PRDM5: variants seen among roughly 807,000 people sequenced by gnomAD.
PRDM5 encodes the protein PR domain zinc finger protein 5.
In PRDM5, 56 loss-of-function variants were observed where a neutral mutation model predicts 81.2. The ratio of observed to expected loss-of-function variants is 0.69; its 90% CI spans 0.56 to 0.86. The LOEUF (loss-of-function observed/expected upper bound fraction) is 0.86, where lower values mean the gene tolerates loss of function less well. Ranked by LOEUF, PRDM5 falls within the 40% of genes least tolerant of loss-of-function variation. The pLI, the probability that PRDM5 is intolerant of heterozygous loss-of-function variation, is 0.00. For missense variants in PRDM5, 697 were observed against 770.1 expected, an observed-to-expected ratio of 0.91 and a Z score of 1.12; for synonymous variants, 267 against 256.4, an observed-to-expected ratio of 1.04 and a Z score of -0.39.
At chr4:120,826,310 C>T (rs1222227958) in intron 3 of PRDM5, among the ~76,000 whole-genome samples, 1 of 152,128 alleles carries the variant, frequency 6.6e-6, no homozygotes, top group Non-Finnish European at 1.5e-5. Flanking sequence ...GCTATAACTC[C>T]TCCATGTGCT....
intron 10 of PRDM5, among the ~76,000 whole-genome samples, chr4:120,797,697 C>T (rs1751527298): frequency 6.6e-6 from 1 of 152,074 alleles, no homozygotes; most frequent in Non-Finnish European, 1.5e-5. Context: ...CGAAAAGATG[C>T]CCAGTTATAA....
At chr4:120,740,634 C>T (rs976431860) in intron 14 of PRDM5, among the ~76,000 whole-genome samples, 1 of 152,168 alleles carries the variant, frequency 6.6e-6, no homozygotes, top group South Asian at 2.1e-4. Context: ...AGGTGTCCCT[C>T]ATATATGTGC....
At chr4:120,891,882 G>C (rs190547995) in intron 2 of PRDM5, among the ~76,000 whole-genome samples, 21 of 152,064 alleles carry the variant, frequency 1.4e-4, no homozygotes, top group African/African-American at 4.8e-4. Flanking sequence ...CACCTGCCTC[G>C]GTCTCCCAAA....
chr4:120,741,225 G>A (rs991856262), intron 14 of PRDM5, among the ~76,000 whole-genome samples: 2 of 152,126 alleles, frequency 1.3e-5, no homozygotes, highest in South Asian at 2.1e-4. Flanking sequence ...TCCTCTATAC[G>A]ATGCTTCTGG....
chr4:120,763,670 T>G (rs1300356039), intron 13 of PRDM5, among the ~76,000 whole-genome samples: 1 of 152,208 alleles, frequency 6.6e-6, no homozygotes, highest in South Asian at 2.1e-4. Flanking sequence ...AGTCAGAATT[T>G]GGTGAGAAAA....
intron 2 of PRDM5, among the ~76,000 whole-genome samples, chr4:120,861,671 GC>G: frequency 6.6e-6 from 1 of 151,994 alleles, no homozygotes; most frequent in South Asian, 2.1e-4. Flanking sequence ...GGTGGAGCAC[GC>G]CTGTAGTCCC....
chr4:120,695,096 C>T lies in PRDM5; in HGVS notation c.*15G>A, dbSNP rs749683464. 1.9e-6 allele frequency: 3 copies of T among 1,609,092 alleles called. No individual in the cohort carries two copies. The highest frequency in any genetic ancestry group is 3.3e-5 in the Admixed American group (2 of 59,940). On this transcript the variant is annotated 3_prime_UTR_variant, in exon 16 of 16. Coordinates refer to ENST00000264808, the MANE Select transcript of PRDM5 (RefSeq NM_018699.4). ...AGGAGCCCTTCTGAATAGTTTAATT[C>T]CTTTACAGCCCCTATTAGCTGTCAG... is the stretch of plus-strand genomic sequence containing the variant.
At chr4:120,821,125 T>C in intron 4 of PRDM5, 46 bp downstream of exon 4, 12 of 1,590,630 alleles carry the variant, frequency 7.5e-6, no homozygotes, top group Non-Finnish European at 1.0e-5. Flanking sequence ...CTACACTTTT[T>C]TCTACAACTT....
chr4:120,789,575 T>G (rs1405936520), intron 10 of PRDM5, among the ~76,000 whole-genome samples: 1 of 152,112 alleles, frequency 6.6e-6, no homozygotes, highest in Non-Finnish European at 1.5e-5. Context: ...AACGATTATT[T>G]TTATAGAGTT....
At chr4:120,827,166 G>C (rs917318741) in intron 3 of PRDM5, among the ~76,000 whole-genome samples, 2 of 152,156 alleles carry the variant, frequency 1.3e-5, no homozygotes, top group African/African-American at 4.8e-5. Flanking sequence ...GAAGAGAGTA[G>C]AATTTTGCTT....
At chr4:120,777,920 G>A (rs1748424387) in intron 12 of PRDM5, among the ~76,000 whole-genome samples, 1 of 152,090 alleles carries the variant, frequency 6.6e-6, no homozygotes, top group African/African-American at 2.4e-5. Context: ...ATAAATGCTG[G>A]AGAGTTCAAA....
At chr4:120,759,324 G>A (rs181937905) in intron 13 of PRDM5, among the ~76,000 whole-genome samples, 175 of 152,276 alleles carry the variant, frequency 1.1e-3, no homozygotes, top group Non-Finnish European at 2.1e-3. Flanking sequence ...AAACTATAAT[G>A]TGTAGTTTGC....
intron 14 of PRDM5, among the ~76,000 whole-genome samples, chr4:120,754,106 C>T (rs1019988432): frequency 2.0e-5 from 3 of 152,180 alleles, no homozygotes; most frequent in Admixed American, 6.5e-5. Flanking sequence ...CCTTATTTTC[C>T]ACCTGTCCTG....
intron 10 of PRDM5, among the ~76,000 whole-genome samples, chr4:120,788,070 A>G (rs188543457): frequency 6.5e-4 from 99 of 152,324 alleles, no homozygotes; most frequent in Middle Eastern, 3.4e-3. Flanking sequence ...CTGCATAACA[A>G]TGTGGTTCTA....
At chr4:120,811,491 A>G (rs1753829328) in intron 7 of PRDM5, 42 bp from the exon 8 acceptor site, 3 of 1,281,786 alleles carry the variant, frequency 2.3e-6, no homozygotes, top group South Asian at 1.3e-5. Flanking sequence ...AAATGAGACT[A>G]TTAAGAGGAA....
chr4:120,775,209 A>T (rs1332442936), intron 13 of PRDM5, among the ~76,000 whole-genome samples: 1 of 151,722 alleles, frequency 6.6e-6, no homozygotes, highest in Non-Finnish European at 1.5e-5. Context: ...TTTGGAGTGT[A>T]GAATACACTT....
intron 13 of PRDM5, among the ~76,000 whole-genome samples, chr4:120,772,914 C>T (rs1747509641): frequency 6.6e-6 from 1 of 152,160 alleles, no homozygotes; most frequent in Non-Finnish European, 1.5e-5. Flanking sequence ...CTGCTAGTGA[C>T]TTCAATTTGT....
rs1446751555 is a variant in PRDM5 at position 120,694,149 on chromosome 4, G to T, written c.*962C>A. The T allele has an allele frequency of 6.6e-6, 1 of 152,058 alleles. No individual in the cohort carries two copies. Among genetic ancestry groups the T allele is most frequent in the Admixed American group, 6.6e-5 (1 of 15,236 alleles). The allele number at this position is 152,058 out of a possible 1,614,324, so 9.4% of individuals were successfully genotyped here. A position where few individuals can be genotyped will look rare whatever the true frequency, so the allele number is the denominator to read the frequency against. Reference sequence around the variant, plus strand: ...TGTTAATGTTCTGAGGACTGTATCTGCACTAACATGTTCTGTGCACTTTTA... The same window carrying T: ...TGTTAATGTTCTGAGGACTGTATCTTCACTAACATGTTCTGTGCACTTTTA... On this transcript the variant is annotated 3_prime_UTR_variant, in exon 16 of 16. Coordinates refer to ENST00000264808, the MANE Select transcript of PRDM5 (RefSeq NM_018699.4).
chr4:120,812,121 T>C lies in PRDM5; in HGVS notation c.866-672A>G, dbSNP rs1019341431. Among the ~76,000 whole-genome samples the C allele has an allele frequency of 1.6e-4, 24 of 152,164 alleles. 1 individual carries two copies. The highest frequency in any genetic ancestry group is 1.9e-4 in the Non-Finnish European group (13 of 68,004). ...TAGCTTCCATATATAAGTGAGCACA[T>C]GTGAAATTTGTGCAGCTGTGCCTGG... is the stretch of plus-strand genomic sequence containing the variant. On this transcript the variant is annotated intron_variant, in intron 7 of 15. Transcript: ENST00000264808.
Sources: gnomAD v4.1 joint callset for allele counts (sites outside exome capture counted in the v4.1 genomes callset) on GRCh38, gnomAD v4.1.1 for gene constraint, MANE v1.5 for transcripts, NCBI Gene and HGNC (gene_info 2026-07-23, HGNC 2026-07-21) for gene names.